The following RPS6KA2 variants were observed in gnomAD, a reference collection of about 807,000 sequenced individuals.
The protein encoded by RPS6KA2 is ribosomal protein S6 kinase alpha-2.
In RPS6KA2, 42 loss-of-function variants were observed where a neutral mutation model predicts 91.8. The ratio of observed to expected loss-of-function variants is 0.46; its 90% CI spans 0.36 to 0.59. RPS6KA2 has a LOEUF of 0.59. Among genes scored for constraint, RPS6KA2 ranks in the 20% least tolerant of loss-of-function variants. The pLI, the probability that RPS6KA2 is intolerant of heterozygous loss-of-function variation, is 0.00. For missense variants in RPS6KA2, 798 were observed against 978.5 expected, an observed-to-expected ratio of 0.82 and a Z score of 2.46; for synonymous variants, 414 against 393.6, an observed-to-expected ratio of 1.05 and a Z score of -0.61.
chr6:166,643,242 A>G (rs1258298249), intron 2 of RPS6KA2, among the ~76,000 whole-genome samples: 1 of 152,256 alleles, frequency 6.6e-6, no homozygotes, highest in Non-Finnish European at 1.5e-5. Context: ...ATAAATCAAA[A>G]TATGTAAAAA....
chr6:166,443,507 GGAGA>G (rs1456677859), intron 14 of RPS6KA2, among the ~76,000 whole-genome samples: 1 of 152,182 alleles, frequency 6.6e-6, no homozygotes, highest in Non-Finnish European at 1.5e-5. Context: ...CCAATTCCCT[GGAGA>G]GACAGACTCC....
chr6:166,716,439 G>A (rs542563899), intron 2 of RPS6KA2, among the ~76,000 whole-genome samples: 43 of 152,232 alleles, frequency 2.8e-4, no homozygotes, highest in Admixed American at 1.6e-3. Flanking sequence ...TCATCCCAGC[G>A]GGCATCAATT....
rs893988118 is a variant in RPS6KA2 at position 166,857,353 on chromosome 6, G to A, written c.123+847C>T. Among the ~76,000 whole-genome samples, 11 of 152,270 alleles carry A rather than the reference G, an allele frequency of 7.2e-5. No homozygotes were observed. In the South Asian group the frequency reaches 8.3e-4, roughly 11 times the overall value. On this transcript the variant is annotated intron_variant, in intron 2 of 21. Coordinates refer to the RPS6KA2 transcript ENST00000503859. ...GGCCAAGTCAATGGCCCACGGCTCCGGCTGCCTCTGAGAGCGTTTGCTTTA... is the reference window on the plus strand; with the variant it reads ...GGCCAAGTCAATGGCCCACGGCTCCAGCTGCCTCTGAGAGCGTTTGCTTTA...
intron 9 of RPS6KA2, among the ~76,000 whole-genome samples, chr6:166,489,200 TAATA>T (rs1387324630): frequency 6.6e-6 from 1 of 151,792 alleles, no homozygotes; most frequent in African/African-American, 2.4e-5. Flanking sequence ...AAATTTTTAT[TAATA>T]AACATTATTT....
At chr6:166,551,627 CTTCT>C (rs1784025442) in intron 1 of RPS6KA2, among the ~76,000 whole-genome samples, 1 of 152,172 alleles carries the variant, frequency 6.6e-6, no homozygotes, top group Non-Finnish European at 1.5e-5. Flanking sequence ...AATAGCCATC[CTTCT>C]TTCTTTTCTT....
intron 1 of RPS6KA2, among the ~76,000 whole-genome samples, chr6:166,553,894 T>C (rs1384167427): frequency 6.6e-6 from 1 of 152,194 alleles, no homozygotes; most frequent in Non-Finnish European, 1.5e-5. Flanking sequence ...CCCACCGAGA[T>C]TTGCATCCGT....
At position 166,825,941 on chromosome 6, in the gene RPS6KA2, T is replaced by A. The variant is rs1780039779; in HGVS notation, c.123+32259A>T. On this transcript the variant is annotated intron_variant, in intron 2 of 21. Coordinates refer to the RPS6KA2 transcript ENST00000503859. The surrounding 1 kb of genome is among the most constrained non-coding windows in gnomAD (Gnocchi z 4.1). ...CTGGGCTGTCATCTGAGCTCCTGCC[T>A]TTCACGTCAACATTTGTGAGTAGAA... 6.6e-6 allele frequency among the ~76,000 whole-genome samples: 1 copy of A among 152,190 alleles called. No homozygotes were observed. The highest frequency in any genetic ancestry group is 6.5e-5 in the Admixed American group (1 of 15,282).
intron 2 of RPS6KA2, among the ~76,000 whole-genome samples, chr6:166,734,081 G>A (rs1269654027): frequency 1.3e-5 from 2 of 152,182 alleles, no homozygotes; most frequent in East Asian, 3.9e-4. Context: ...CCCAACAATA[G>A]GATATGAGAT....
At chr6:166,641,521 C>G (rs1371842601) in intron 2 of RPS6KA2, among the ~76,000 whole-genome samples, 3 of 151,430 alleles carry the variant, frequency 2.0e-5, no homozygotes, top group African/African-American at 7.3e-5. Context: ...GTCAGGAGTT[C>G]AAGACCAGCC....
chr6:166,484,155 C>T (rs1454655590), intron 10 of RPS6KA2, among the ~76,000 whole-genome samples: 2 of 152,208 alleles, frequency 1.3e-5, no homozygotes, highest in Non-Finnish European at 2.9e-5. Flanking sequence ...GGGTCAGGCT[C>T]GACTCAACTC....
At chr6:166,715,365 G>A (rs1440585779) in intron 2 of RPS6KA2, among the ~76,000 whole-genome samples, 5 of 152,240 alleles carry the variant, frequency 3.3e-5, no homozygotes, top group Admixed American at 3.3e-4. Flanking sequence ...CCTGCCAGCT[G>A]CCTCTTAAAA....
intron 2 of RPS6KA2, among the ~76,000 whole-genome samples, chr6:166,721,396 G>C (rs1393639725): frequency 6.6e-6 from 1 of 152,212 alleles, no homozygotes; most frequent in African/African-American, 2.4e-5. Context: ...CCCAGACACT[G>C]GGTCCTGACG....
chr6:166,571,185 C>A (rs553832954), intron 1 of RPS6KA2, among the ~76,000 whole-genome samples: 5 of 152,308 alleles, frequency 3.3e-5, no homozygotes, highest in African/African-American at 1.2e-4. Flanking sequence ...AAGCGCGGGA[C>A]CAACCCATAA....
chr6:166,696,060 A>G (rs1462434918), intron 2 of RPS6KA2, among the ~76,000 whole-genome samples: 7 of 152,154 alleles, frequency 4.6e-5, no homozygotes, highest in Non-Finnish European at 8.8e-5. Flanking sequence ...CCCCTCTTCC[A>G]CGGAAACATT....
chr6:166,677,786 G>A (rs1788661766), intron 2 of RPS6KA2, among the ~76,000 whole-genome samples: 1 of 152,236 alleles, frequency 6.6e-6, no homozygotes, highest in African/African-American at 2.4e-5. Context: ...GGTGGAGAAG[G>A]AGAGGGAGTG....
chr6:166,528,401 C>G (rs1432151468), intron 3 of RPS6KA2, among the ~76,000 whole-genome samples: 1 of 151,862 alleles, frequency 6.6e-6, no homozygotes, highest in Non-Finnish European at 1.5e-5. Context: ...TTCCTTACAC[C>G]TTATACAAAA....
chr6:166,443,470 A>G (rs1282170784), intron 14 of RPS6KA2, among the ~76,000 whole-genome samples: 3 of 152,232 alleles, frequency 2.0e-5, no homozygotes, highest in Non-Finnish European at 2.9e-5. Flanking sequence ...TGTGAGAACC[A>G]CAAGATACCA....
At chr6:166,734,172 G>C (rs9459731) in intron 2 of RPS6KA2, among the ~76,000 whole-genome samples, 6,113 of 152,276 alleles carry the variant, frequency 0.04, 157 homozygotes, top group East Asian at 0.098. Flanking sequence ...GGGGCCGAGG[G>C]CTCCTGGCAG....
Position 166,568,595 on chromosome 6 carries a change from CACA to C in RPS6KA2, c.100-29814_100-29812del, listed in dbSNP as rs1371319953. Reference sequence around the variant, plus strand: ...ATTGCGCCATCGCACTCTAAGCCTGCACAACAAGAGCAAAACTCCATCTCAGAA... The same window carrying C: ...ATTGCGCCATCGCACTCTAAGCCTGCACAAGAGCAAAACTCCATCTCAGAA... On this transcript the variant is annotated intron_variant, in intron 1 of 20. Transcript: ENST00000265678. Among the ~76,000 whole-genome samples, 30 of 120,152 alleles carry C rather than the reference CACA, an allele frequency of 2.5e-4. 1 individual carries two copies. The Admixed American group carries it at 2.9e-3, about 12-fold the overall frequency. The allele number at this position is 120,152 out of a possible 152,430, so 78.8% of individuals were successfully genotyped here. A position where few individuals can be genotyped will look rare whatever the true frequency, so the allele number is the denominator to read the frequency against.
Sources: gnomAD v4.1 joint callset for allele counts (sites outside exome capture counted in the v4.1 genomes callset) on GRCh38, gnomAD v4.1.1 for gene constraint, Gnocchi (gnomAD v3.1) non-coding constraint, MANE v1.5 for transcripts, NCBI Gene and HGNC (gene_info 2026-07-23, HGNC 2026-07-21) for gene names.